DGKH: variants seen among roughly 807,000 people sequenced by gnomAD.
The protein encoded by DGKH is DAG kinase eta.
In DGKH, 90 loss-of-function variants were observed where a neutral mutation model predicts 159.3. The ratio of observed to expected loss-of-function variants is 0.57; its 90% CI spans 0.48 to 0.67. The LOEUF (loss-of-function observed/expected upper bound fraction) is 0.67. DGKH is among the 30% of genes least tolerant of loss of function. DGKH has a pLI of 0.00. For missense variants in DGKH, 1,181 were observed against 1,506.1 expected, an observed-to-expected ratio of 0.78 and a Z score of 3.57; for synonymous variants, 536 against 553.8, an observed-to-expected ratio of 0.97 and a Z score of 0.45.
intron 11 of DGKH, among the ~76,000 whole-genome samples, chr13:42,169,203 A>G (rs1316629613): frequency 6.6e-6 from 1 of 152,198 alleles, no homozygotes; most frequent in Non-Finnish European, 1.5e-5. Flanking sequence ...ATGGTTTCCA[A>G]AAAGCTAAAG....
intron 14 of DGKH, 112 bp downstream of exon 14, chr13:42,187,260 G>A (rs1260803626): frequency 1.3e-5 from 11 of 852,438 alleles, no homozygotes; most frequent in South Asian, 3.4e-5. Flanking sequence ...ATCTTAAATC[G>A]AGAGAAAAAT....
intron 2 of DGKH, among the ~76,000 whole-genome samples, chr13:42,127,854 C>T (rs1043727201): frequency 6.6e-6 from 1 of 152,076 alleles, no homozygotes; most frequent in Non-Finnish European, 1.5e-5. Context: ...TTAAATGTAA[C>T]CTTATTAGAT....
At chr13:42,085,755 A>T (rs1383368999) in intron 1 of DGKH, among the ~76,000 whole-genome samples, 10 of 152,172 alleles carry the variant, frequency 6.6e-5, no homozygotes, top group East Asian at 1.9e-4. Context: ...AATTGTTTTT[A>T]AAAAAATTAT....
intron 13 of DGKH, among the ~76,000 whole-genome samples, chr13:42,184,281 G>A (rs1956851457): frequency 6.6e-6 from 1 of 152,078 alleles, no homozygotes; most frequent in East Asian, 1.9e-4. Context: ...GATTCTGTCT[G>A]GGTACCATTG....
At position 42,233,852 on chromosome 13, in the gene DGKH, A is replaced by G. The variant is rs185997703; in HGVS notation, c.*4664A>G. The stretch of plus-strand genomic sequence containing the variant: ...AGTCTCCTACAACTTGTACATTTTC[A>G]TTTTCTCTTATCAGTAGATTGTCCT... On this transcript the variant is annotated 3_prime_UTR_variant, in exon 30 of 30. Transcript: ENST00000337343. 2.0e-5 allele frequency: 3 copies of G among 152,338 alleles called. No individual in the cohort carries two copies. Among genetic ancestry groups the G allele is most frequent in the African/African-American group, 7.2e-5 (3 of 41,580 alleles). 9.4% of individuals were successfully genotyped at this position (152,338 alleles called of 1,614,324 possible). A position where few individuals can be genotyped will look rare whatever the true frequency, so the allele number is the denominator to read the frequency against.
At chr13:42,102,021 C>T (rs1379846505) in intron 1 of DGKH, among the ~76,000 whole-genome samples, 1 of 152,178 alleles carries the variant, frequency 6.6e-6, no homozygotes, top group Non-Finnish European at 1.5e-5. Flanking sequence ...AATCACATTC[C>T]TTAGTGAAGG....
intron 1 of DGKH, among the ~76,000 whole-genome samples, chr13:42,098,437 A>T (rs1209737033): frequency 6.6e-6 from 1 of 152,146 alleles, no homozygotes; most frequent in Non-Finnish European, 1.5e-5. Flanking sequence ...CAGCGAGCCA[A>T]GATCATGCCA....
intron 2 of DGKH, among the ~76,000 whole-genome samples, chr13:42,129,004 C>T (rs185447844): frequency 6.6e-6 from 1 of 152,346 alleles, no homozygotes; most frequent in East Asian, 1.9e-4. Context: ...GGATTTCCTA[C>T]TTGCTACCTT....
intron 3 of DGKH, among the ~76,000 whole-genome samples, chr13:42,132,214 AG>A (rs1438577104): frequency 2.0e-5 from 3 of 152,364 alleles, no homozygotes; most frequent in African/African-American, 7.2e-5. Flanking sequence ...TGCAATGTAC[AG>A]TGATCAGATC....
chr13:42,148,510 G>C (rs1955794120), intron 3 of DGKH, among the ~76,000 whole-genome samples: 1 of 152,012 alleles, frequency 6.6e-6, no homozygotes, highest in Middle Eastern at 3.2e-3. Flanking sequence ...CCTAACTCAT[G>C]CCCTGCCATG....
chr13:42,160,047 C>T lies in DGKH; in HGVS notation c.766C>T (p.Pro256Ser), dbSNP rs766369723. The T allele has an allele frequency of 1.2e-6, 2 of 1,614,216 alleles. No individual in the cohort carries two copies. Among genetic ancestry groups the T allele is most frequent in the Non-Finnish European group, 8.5e-7 (1 of 1,180,034 alleles). The stretch of plus-strand genomic sequence containing the variant: ...TCACCAGTGGCTTGAGGGCAACCTG[C>T]CTGTAAGTGCCAAGTGTGCTGTCTG... The part of the protein sequence containing the change: ...MPHQWLEGNL[P>S]VSAKCAVCDK... Residue 256 changes from proline to serine, a missense_variant, in exon 7 of 30, where the codon CCT becomes TCT. Physicochemically the swap from Pro to Ser is moderately conservative, Grantham distance 74. Coordinates refer to ENST00000337343, the MANE Select transcript of DGKH (RefSeq NM_178009.5).
At chr13:42,173,479 C>T (rs987093440) in intron 11 of DGKH, among the ~76,000 whole-genome samples, 4 of 152,004 alleles carry the variant, frequency 2.6e-5, no homozygotes, top group African/African-American at 9.7e-5. Flanking sequence ...ATATTTTCCC[C>T]CTACTCTCAT....
At chr13:42,090,599 T>C (rs925828490) in intron 1 of DGKH, among the ~76,000 whole-genome samples, 4 of 152,158 alleles carry the variant, frequency 2.6e-5, no homozygotes, top group Admixed American at 6.5e-5. Context: ...CATACACATA[T>C]GGTCTAATGA....
chr13:42,113,920 G>A (rs1259582216), intron 1 of DGKH, among the ~76,000 whole-genome samples: 3 of 152,162 alleles, frequency 2.0e-5, no homozygotes, highest in Non-Finnish European at 4.4e-5. Flanking sequence ...ATGGGTCTGT[G>A]TGGTTTGTGT....
intron 3 of DGKH, among the ~76,000 whole-genome samples, chr13:42,135,248 C>G (rs1159764781): frequency 1.3e-5 from 2 of 151,592 alleles, no homozygotes; most frequent in Non-Finnish European, 2.9e-5. Context: ...CCTGTAATCC[C>G]AACACTTTGG....
intron 3 of DGKH, among the ~76,000 whole-genome samples, chr13:42,151,687 G>C (rs2137937306): frequency 6.6e-6 from 1 of 150,942 alleles, no homozygotes; most frequent in South Asian, 2.1e-4. Context: ...GCAATCATCT[G>C]TTGATGGATA....
At chr13:42,244,711 T>C (rs866045439), downstream of DGKH, among the ~76,000 whole-genome samples, 669 of 151,656 alleles carry the variant, frequency 4.4e-3, 5 homozygotes, top group African/African-American at 0.015. Flanking sequence ...GAGACCATCC[T>C]GGCTAAAACG....
chr13:42,057,089 G>A (rs182720003), intron 1 of DGKH, among the ~76,000 whole-genome samples: 3 of 152,072 alleles, frequency 2.0e-5, no homozygotes, highest in African/African-American at 4.8e-5. Context: ...ACTTTTTAAC[G>A]TACTTTTAAA....
chr13:42,159,190 T>G (rs1241279313), intron 5 of DGKH, 76 bp from the exon 6 acceptor site: 2 of 796,726 alleles, frequency 2.5e-6, no homozygotes, highest in Non-Finnish European at 3.9e-6. Flanking sequence ...TTTTATGCTG[T>G]GATTTCCTTT....
Sources: allele counts gnomAD v4.1 joint callset (sites outside exome capture counted in the v4.1 genomes callset), GRCh38; gene constraint gnomAD v4.1.1; transcripts MANE v1.5; gene names NCBI Gene and HGNC (gene_info 2026-07-23, HGNC 2026-07-21).